The following SLC10A7 variants were observed in gnomAD, a reference collection of about 807,000 sequenced individuals.
The protein encoded by SLC10A7 is sodium/bile acid cotransporter 7.
Under a neutral mutation model 43.2 loss-of-function variants are expected in SLC10A7, and 29 were observed. That is an observed-to-expected ratio of 0.67 (90% confidence interval 0.50 to 0.92). The LOEUF (loss-of-function observed/expected upper bound fraction) is 0.92, where lower values mean the gene tolerates loss of function less well. Among genes scored for constraint, SLC10A7 ranks in the 40% least tolerant of loss-of-function variants. SLC10A7 has a pLI of 0.00. For missense variants in SLC10A7, 295 were observed against 403.2 expected, an observed-to-expected ratio of 0.73 and a Z score of 2.30; for synonymous variants, 152 against 144.8, an observed-to-expected ratio of 1.05 and a Z score of -0.35.
intron 5 of SLC10A7, among the ~76,000 whole-genome samples, chr4:146,405,054 T>G (rs1208873111): frequency 6.6e-6 from 1 of 152,194 alleles, no homozygotes; most frequent in African/African-American, 2.4e-5. Flanking sequence ...TTAAAATCAA[T>G]TAGGATCTGC....
intron 5 of SLC10A7, among the ~76,000 whole-genome samples, chr4:146,436,083 T>G (rs1224395938): frequency 6.6e-6 from 1 of 151,986 alleles, no homozygotes. Context: ...AAAAAAAAAG[T>G]TGCTTCAGCC....
At chr4:146,354,038 G>A (rs1391242574) in intron 5 of SLC10A7, among the ~76,000 whole-genome samples, 1 of 146,208 alleles carries the variant, frequency 6.8e-6, no homozygotes, top group Admixed American at 6.9e-5. Flanking sequence ...TTCTGGCCAG[G>A]GCAATCAGGC....
rs1560763592 is a variant in SLC10A7 at position 146,286,440 on chromosome 4, C to CTGGAGTGGTGAGAAGGACTGAGTT, written c.774-3199_774-3176dup. On this transcript the variant is annotated intron_variant, in intron 9 of 11. Transcript: ENST00000335472. ...TGTGTTTGGAGTGGTGAGAAGGACT[C>CTGGAGTGGTGAGAAGGACTGAGTT]TGGAGTGGTGAGAAGGACTGAGTTT... Among the ~76,000 whole-genome samples, 119 of 24,470 alleles carry CTGGAGTGGTGAGAAGGACTGAGTT rather than the reference C, an allele frequency of 4.9e-3. 11 individuals are homozygous for CTGGAGTGGTGAGAAGGACTGAGTT. Among genetic ancestry groups the CTGGAGTGGTGAGAAGGACTGAGTT allele is most frequent in the African/African-American group, 6.6e-3 (32 of 4,846 alleles). 16.1% of individuals were successfully genotyped at this position (24,470 alleles called of 152,430 possible). A position where few individuals can be genotyped will look rare whatever the true frequency, so the allele number is the denominator to read the frequency against.
chr4:146,376,495 G>C (rs1737210344), intron 5 of SLC10A7, among the ~76,000 whole-genome samples: 2 of 152,024 alleles, frequency 1.3e-5, no homozygotes, highest in African/African-American at 4.8e-5. Context: ...CACAGGAGCA[G>C]AGCAGCATGG....
chr4:146,427,301 C>T (rs572687716), intron 5 of SLC10A7, among the ~76,000 whole-genome samples: 118 of 152,298 alleles, frequency 7.7e-4, no homozygotes, highest in African/African-American at 2.7e-3. Flanking sequence ...TGCCACTGCA[C>T]ACCACCCTGG....
intron 5 of SLC10A7, among the ~76,000 whole-genome samples, chr4:146,344,324 C>T (rs1238852574): frequency 6.6e-6 from 1 of 152,046 alleles, no homozygotes; most frequent in Non-Finnish European, 1.5e-5. Flanking sequence ...TCTACCAACA[C>T]TACAAATCAT....
At chr4:146,261,422 C>G (rs528834767) in intron 10 of SLC10A7, among the ~76,000 whole-genome samples, 1 of 149,202 alleles carries the variant, frequency 6.7e-6, no homozygotes, top group Admixed American at 6.9e-5. Context: ...TTCCCTTTGC[C>G]CCCCCAGCTC....
intron 4 of SLC10A7, among the ~76,000 whole-genome samples, chr4:146,447,846 G>C (rs1305286262): frequency 6.6e-6 from 1 of 150,820 alleles, no homozygotes; most frequent in African/African-American, 2.4e-5. Context: ...AATTATTTTG[G>C]AAAACTGAGC....
At chr4:146,339,545 G>T (rs906140608) in intron 5 of SLC10A7, among the ~76,000 whole-genome samples, 8 of 151,914 alleles carry the variant, frequency 5.3e-5, no homozygotes, top group Admixed American at 5.3e-4. Flanking sequence ...CCTAAGAAAG[G>T]TTTGCACCTC....
chr4:146,278,496 GA>G (rs1729347390), intron 10 of SLC10A7, among the ~76,000 whole-genome samples: 1 of 152,050 alleles, frequency 6.6e-6, no homozygotes, highest in Admixed American at 6.6e-5. Flanking sequence ...CAATCAAATG[GA>G]AAACAAGATC....
intron 7 of SLC10A7, among the ~76,000 whole-genome samples, chr4:146,303,944 T>G (rs961702301): frequency 6.6e-6 from 1 of 151,692 alleles, no homozygotes; most frequent in Non-Finnish European, 1.5e-5. Flanking sequence ...ACACTGCAAA[T>G]AAAAGGCAGA....
At chr4:146,430,638 A>G (rs1212136791) in intron 5 of SLC10A7, among the ~76,000 whole-genome samples, 1 of 152,168 alleles carries the variant, frequency 6.6e-6, no homozygotes. Context: ...CACTTATTAA[A>G]AATATCACCA....
intron 2 of SLC10A7, among the ~76,000 whole-genome samples, chr4:146,515,669 G>C (rs1250978766): frequency 6.6e-6 from 1 of 152,094 alleles, no homozygotes; most frequent in Non-Finnish European, 1.5e-5. Flanking sequence ...CAACACTATG[G>C]GAGGCTGAAG....
intron 6 of SLC10A7, among the ~76,000 whole-genome samples, chr4:146,313,566 C>T (rs987085947): frequency 1.3e-5 from 2 of 152,006 alleles, no homozygotes; most frequent in African/African-American, 4.8e-5. Flanking sequence ...TTTTATGCAT[C>T]TCACACGTGT....
intron 9 of SLC10A7, among the ~76,000 whole-genome samples, chr4:146,286,048 G>T (rs1164015609): frequency 2.0e-5 from 3 of 150,248 alleles, no homozygotes; most frequent in Non-Finnish European, 4.5e-5. Context: ...GTTTGGAGTG[G>T]TGAAAAGGAC....
chr4:146,472,491 T>C (rs915443188), intron 4 of SLC10A7, among the ~76,000 whole-genome samples: 1 of 149,836 alleles, frequency 6.7e-6, no homozygotes, highest in African/African-American at 2.5e-5. Flanking sequence ...TCATGAAGCA[T>C]ATTACTCCAC....
At chr4:146,440,087 T>C (rs1730481491) in intron 5 of SLC10A7, among the ~76,000 whole-genome samples, 1 of 152,122 alleles carries the variant, frequency 6.6e-6, no homozygotes, top group African/African-American at 2.4e-5. Flanking sequence ...GATGTCTCGA[T>C]ATCTATTTTC....
intron 5 of SLC10A7, among the ~76,000 whole-genome samples, chr4:146,389,746 T>C (rs1433229426): frequency 3.3e-5 from 5 of 152,330 alleles, no homozygotes; most frequent in African/African-American, 1.2e-4. Flanking sequence ...TAGATAGATA[T>C]GAATCTCAGA....
intron 4 of SLC10A7, among the ~76,000 whole-genome samples, chr4:146,461,233 T>C (rs1732500765): frequency 6.6e-6 from 1 of 152,044 alleles, no homozygotes; most frequent in South Asian, 2.1e-4. Context: ...TATAAAATAC[T>C]AGAACTAGCA....
Sources: gnomAD v4.1 joint callset for allele counts (sites outside exome capture counted in the v4.1 genomes callset) on GRCh38, gnomAD v4.1.1 for gene constraint, MANE v1.5 for transcripts, NCBI Gene and HGNC (gene_info 2026-07-23, HGNC 2026-07-21) for gene names.